CNKSR2: variants seen among roughly 807,000 people sequenced by gnomAD.
The protein encoded by CNKSR2 is CNK homolog protein 2.
In CNKSR2, 14 loss-of-function variants were observed where a neutral mutation model predicts 84.4. That is an observed-to-expected ratio of 0.17 (90% CI 0.11 to 0.26). The LOEUF (loss-of-function observed/expected upper bound fraction) is 0.26, where lower values mean the gene tolerates loss of function less well. Ranked by LOEUF, CNKSR2 falls within the 10% of genes least tolerant of loss-of-function variation. The pLI, the probability that CNKSR2 is intolerant of heterozygous loss-of-function variation, is 1.00. For synonymous variants in CNKSR2, 275 were observed against 277.9 expected (o/e 0.99, Z 0.10); for missense variants, 485 against 771.2 (o/e 0.63, Z 4.40).
At chrX:21,552,661 T>A (rs1311309794) in intron 11 of CNKSR2, among the ~76,000 whole-genome samples, 1 of 112,067 alleles carries the variant, frequency 8.9e-6, no homozygotes, top group East Asian at 2.8e-4. Context: ...TCTTATCTTG[T>A]AGAAAAGCCA....
chrX:21,606,883 A>G lies in CNKSR2; in HGVS notation c.2145+4A>G, dbSNP rs945420120. 1.9e-6 allele frequency: 2 copies of G among 1,043,028 alleles called. No homozygotes were observed. The highest frequency in any genetic ancestry group is 3.7e-5 in the African/African-American group (2 of 53,427). 86.0% of individuals were successfully genotyped at this position (1,043,028 alleles called of 1,213,427 possible). ...TACATACCCACGACCTCCCTCGGTA[A>G]GTTAGCAACAAGAACATTACTTATC... On this transcript the variant is annotated splice_donor_region_variant and intron_variant, in intron 19 of 21. Transcript: ENST00000379510.
At chrX:21,434,357 C>T (rs1053154092) in intron 3 of CNKSR2, among the ~76,000 whole-genome samples, 6 of 111,376 alleles carry the variant, frequency 5.4e-5, no homozygotes, top group African/African-American at 1.3e-4. Context: ...GAGATTTTAT[C>T]GTATCAATTT....
At chrX:21,510,923 T>A (rs1387056330) in intron 8 of CNKSR2, among the ~76,000 whole-genome samples, 1 of 111,971 alleles carries the variant, frequency 8.9e-6, no homozygotes. Context: ...TCAGTGTATG[T>A]GAAAAACATT....
intron 10 of CNKSR2, among the ~76,000 whole-genome samples, chrX:21,528,990 C>G (rs1000580632): frequency 1.8e-5 from 2 of 110,288 alleles, no homozygotes; most frequent in Non-Finnish European, 3.8e-5. Flanking sequence ...TTCCTATTTT[C>G]TTATTTTGAA....
chrX:21,654,284 A>AAAC lies in CNKSR2; in HGVS notation c.*1765_*1766insCAA, dbSNP rs1555967952. On this transcript the variant is annotated 3_prime_UTR_variant, in exon 22 of 22. Transcript: ENST00000379510. ...GATTTTGTATATGTAAAAAAAAAAAAAAAAAAAAAACAAAAAACCTCTTGT... is the reference window on the plus strand; with the variant it reads ...GATTTTGTATATGTAAAAAAAAAAAAAACAAAAAAAAAACAAAAAACCTCTTGT... The AAAC allele has an allele frequency of 9.3e-6, 1 of 106,989 alleles. No individual in the cohort carries two copies. The highest frequency in any genetic ancestry group is 3.4e-5 in the African/African-American group (1 of 29,630). 8.8% of individuals were successfully genotyped at this position (106,989 alleles called of 1,213,427 possible). A position where few individuals can be genotyped will look rare whatever the true frequency, so the allele number is the denominator to read the frequency against.
chrX:21,480,114 C>T (rs956701602), intron 5 of CNKSR2, among the ~76,000 whole-genome samples: 2 of 111,386 alleles, frequency 1.8e-5, no homozygotes, highest in African/African-American at 3.3e-5. Flanking sequence ...GCTTACTGTA[C>T]AAGATAAATG....
intron 20 of CNKSR2, among the ~76,000 whole-genome samples, chrX:21,636,755 G>T (rs1222037421): frequency 9.0e-6 from 1 of 110,724 alleles, no homozygotes; most frequent in Non-Finnish European, 1.9e-5. Flanking sequence ...TCTTTTTGAG[G>T]TGAGAGTGTT....
At chrX:21,401,833 C>T (rs1245899606) in intron 1 of CNKSR2, among the ~76,000 whole-genome samples, 1 of 111,578 alleles carries the variant, frequency 9.0e-6, no homozygotes, top group Non-Finnish European at 1.9e-5. Flanking sequence ...AAACAGTAAC[C>T]ATTCATGCTG....
chrX:21,634,019 C>T (rs1270471307), intron 20 of CNKSR2, among the ~76,000 whole-genome samples: 1 of 111,836 alleles, frequency 8.9e-6, no homozygotes, highest in African/African-American at 3.2e-5. Context: ...TTGTTTACAT[C>T]TATGCTATAT....
intron 13 of CNKSR2, among the ~76,000 whole-genome samples, chrX:21,580,881 C>T (rs2092348702): frequency 8.9e-6 from 1 of 111,740 alleles, no homozygotes; most frequent in African/African-American, 3.2e-5. Flanking sequence ...ATTTCTCTGA[C>T]ACCTAAATTT....
chrX:21,388,856 A>G (rs902880376), intron 1 of CNKSR2, among the ~76,000 whole-genome samples: 2 of 110,984 alleles, frequency 1.8e-5, no homozygotes, highest in African/African-American at 6.6e-5. Flanking sequence ...AAAAGGGGAA[A>G]CATACAACTT....
intron 4 of CNKSR2, among the ~76,000 whole-genome samples, chrX:21,459,556 A>T (rs904612871): frequency 9.1e-6 from 1 of 110,244 alleles, no homozygotes; most frequent in African/African-American, 3.3e-5. Flanking sequence ...TCCATCTCCT[A>T]ATACACTCTC....
intron 4 of CNKSR2, among the ~76,000 whole-genome samples, chrX:21,452,052 T>C (rs1254208535): frequency 9.0e-6 from 1 of 111,048 alleles, no homozygotes; most frequent in Non-Finnish European, 1.9e-5. Context: ...GTTACAGGGA[T>C]TACAGTCTCA....
At chrX:21,507,092 A>G (rs1387165676) in intron 8 of CNKSR2, among the ~76,000 whole-genome samples, 2 of 110,102 alleles carry the variant, frequency 1.8e-5, no homozygotes, top group Non-Finnish European at 3.8e-5. Flanking sequence ...ATAACATTTA[A>G]CTGCCTGATA....
intron 6 of CNKSR2, chrX:21,494,257 C>T (rs1362151385): frequency 3.6e-5 from 4 of 111,472 alleles, no homozygotes; most frequent in Non-Finnish European, 7.5e-5. Context: ...TTTATGACCT[C>T]ATCATTTATA....
chrX:21,651,223 A>G (rs745392039), intron 21 of CNKSR2, among the ~76,000 whole-genome samples: 2 of 112,286 alleles, frequency 1.8e-5, no homozygotes, highest in South Asian at 7.4e-4. Context: ...CAAGAAAGAT[A>G]ACGAAAAGTC....
In CNKSR2 at chrX:21,566,908, C is replaced by T. The variant is rs1433899781; in HGVS notation, c.1608+3456C>T. Among the ~76,000 whole-genome samples the T allele has an allele frequency of 4.5e-5, 5 of 111,645 alleles. No individual in the cohort carries two copies. The East Asian group carries it at 1.4e-3, about 31-fold the overall frequency. ...TAGAAGTGTATGGGATTATAAAATACATTTTTATTAATTCCATATATCTGA... is the reference window on the plus strand; with the variant it reads ...TAGAAGTGTATGGGATTATAAAATATATTTTTATTAATTCCATATATCTGA... On this transcript the variant is annotated intron_variant, in intron 13 of 21. Transcript: ENST00000379510.
At chrX:21,456,720 G>A in intron 4 of CNKSR2, among the ~76,000 whole-genome samples, 1 of 111,286 alleles carries the variant, frequency 9.0e-6, no homozygotes. Context: ...ATTTCCCTTG[G>A]ATATATACTC....
intron 18 of CNKSR2, among the ~76,000 whole-genome samples, chrX:21,602,246 C>T (rs1228115009): frequency 2.7e-5 from 3 of 111,310 alleles, no homozygotes; most frequent in East Asian, 2.8e-4. Context: ...CCAGGTTCAA[C>T]GATCCTCCCA....
Sources: gnomAD v4.1 joint callset for allele counts (sites outside exome capture counted in the v4.1 genomes callset) on GRCh38, gnomAD v4.1.1 for gene constraint, MANE v1.5 for transcripts, NCBI Gene and HGNC (gene_info 2026-07-23, HGNC 2026-07-21) for gene names.